CADPS: variants seen among roughly 807,000 people sequenced by gnomAD.
CADPS encodes calcium dependent secretion activator.
Under a neutral mutation model 167.3 loss-of-function variants are expected in CADPS, and 57 were observed. That is an observed-to-expected ratio of 0.34 (90% CI 0.28 to 0.42). The LOEUF (loss-of-function observed/expected upper bound fraction) is 0.42. Ranked by LOEUF, CADPS falls within the 20% of genes least tolerant of loss-of-function variation. The pLI, the probability that CADPS is intolerant of heterozygous loss-of-function variation, is 1.00. For synonymous variants in CADPS, 676 were observed against 635.3 expected, an observed-to-expected ratio of 1.06 and a Z score of -0.96; for missense variants, 1,414 against 1,738.1, an observed-to-expected ratio of 0.81 and a Z score of 3.32.
At chr3:62,853,594 C>T (rs1041774913) in intron 1 of CADPS, among the ~76,000 whole-genome samples, 4 of 147,480 alleles carry the variant, frequency 2.7e-5, no homozygotes, top group African/African-American at 1.0e-4. Flanking sequence ...CATTGCACTC[C>T]AGCCTGAGCA....
rs1189606782 is a variant in CADPS, at chr3:62,474,218, G to A, written c.3432C>T (p.Ala1144=). 7.1e-7 allele frequency: 1 copy of A among 1,402,044 alleles called. No homozygotes were observed. 86.9% of individuals were successfully genotyped at this position (1,402,044 alleles called of 1,614,324 possible). A position where few individuals can be genotyped will look rare whatever the true frequency, so the allele number is the denominator to read the frequency against. The change falls in exon 24 of 30, where the codon GCC becomes GCT. Residue 1144 remains alanine (A), a synonymous_variant. Transcript: ENST00000383710. ...ICTMFNVMVD[A]KAQSTKLCSM... ...TGCAAAGTTTTGTTGATTGAGCTTT[G>A]GCATCAACCATAACATTAAACATGG...
chr3:62,603,342 G>T (rs906583528), intron 6 of CADPS, among the ~76,000 whole-genome samples: 76 of 152,236 alleles, frequency 5.0e-4, no homozygotes, highest in African/African-American at 1.8e-3. Flanking sequence ...AAGAGGAAGT[G>T]AGGAAAATTC....
At chr3:62,445,724 A>AC (rs1560479727) in intron 27 of CADPS, 41 bp downstream of exon 27, 2 of 1,390,960 alleles carry the variant, frequency 1.4e-6, no homozygotes, top group South Asian at 1.4e-5. Context: ...AAAAAAAAAA[A>AC]AACAAAAAAA....
intron 6 of CADPS, among the ~76,000 whole-genome samples, chr3:62,600,190 T>C (rs1322759130): frequency 6.7e-6 from 1 of 148,862 alleles, no homozygotes; most frequent in East Asian, 2.0e-4. Flanking sequence ...CTCTCTGAAG[T>C]GCACACAGCA....
intron 28 of CADPS, among the ~76,000 whole-genome samples, chr3:62,415,331 A>G (rs982031730): frequency 6.8e-4 from 104 of 152,236 alleles, no homozygotes; most frequent in African/African-American, 2.4e-3. Flanking sequence ...GCAAACTCCC[A>G]GTTTCTTTAC....
intron 3 of CADPS, among the ~76,000 whole-genome samples, chr3:62,716,359 T>C (rs963024276): frequency 2.1e-4 from 32 of 152,168 alleles, no homozygotes; most frequent in Admixed American, 7.9e-4. Flanking sequence ...TGGCCTATGA[T>C]AATAAATCTA....
intron 26 of CADPS, among the ~76,000 whole-genome samples, chr3:62,452,433 G>A (rs774487795): frequency 6.6e-6 from 1 of 152,154 alleles, no homozygotes; most frequent in Non-Finnish European, 1.5e-5. Flanking sequence ...GACTATTTTG[G>A]ACAGCTCAGA....
At chr3:62,659,129 A>T (rs1436583596) in intron 4 of CADPS, among the ~76,000 whole-genome samples, 1 of 152,152 alleles carries the variant, frequency 6.6e-6, no homozygotes, top group Non-Finnish European at 1.5e-5. Flanking sequence ...CATATGATGG[A>T]TGACATCTAT....
intron 1 of CADPS, among the ~76,000 whole-genome samples, chr3:62,863,629 G>A (rs2153193098): frequency 6.6e-6 from 1 of 152,288 alleles, no homozygotes; most frequent in African/African-American, 2.4e-5. Context: ...AACTGAAGTA[G>A]TTAAGCATGG....
At chr3:62,855,023 C>G (rs1158049936) in intron 1 of CADPS, among the ~76,000 whole-genome samples, 1 of 151,226 alleles carries the variant, frequency 6.6e-6, no homozygotes, top group African/African-American at 2.4e-5. Context: ...CTCCTGGGTT[C>G]AAGCAATTCC....
At chr3:62,833,483 C>A (rs537494964) in intron 1 of CADPS, among the ~76,000 whole-genome samples, 2 of 151,778 alleles carry the variant, frequency 1.3e-5, no homozygotes, top group African/African-American at 2.4e-5. Flanking sequence ...AGCTGAGGCA[C>A]GGCCAGCTTA....
chr3:62,668,619 C>A (rs1318893677), intron 3 of CADPS, among the ~76,000 whole-genome samples: 1 of 152,166 alleles, frequency 6.6e-6, no homozygotes, highest in African/African-American at 2.4e-5. Context: ...CCTTTCCTTT[C>A]CCTTACTAAC....
At chr3:62,766,018 A>C in intron 1 of CADPS, 34 bp from the exon 2 acceptor site, 1 of 1,455,422 alleles carries the variant, frequency 6.9e-7, no homozygotes, top group Non-Finnish European at 9.6e-7. Context: ...AAATGTGAGA[A>C]CTTGTCCTAG....
At chr3:62,863,134 T>C (rs967015466) in intron 1 of CADPS, among the ~76,000 whole-genome samples, 2 of 152,216 alleles carry the variant, frequency 1.3e-5, no homozygotes, top group South Asian at 2.1e-4. Context: ...GGAGACTAAA[T>C]GATCTCTGCA....
At chr3:62,684,845 G>A (rs777756620) in intron 3 of CADPS, among the ~76,000 whole-genome samples, 10 of 151,908 alleles carry the variant, frequency 6.6e-5, no homozygotes, top group Non-Finnish European at 1.3e-4. Flanking sequence ...GATGCAAGAC[G>A]ACATTTACTA....
At chr3:62,594,930 CT>C (rs1237469962) in intron 6 of CADPS, among the ~76,000 whole-genome samples, 2 of 152,222 alleles carry the variant, frequency 1.3e-5, no homozygotes, top group African/African-American at 4.8e-5. Flanking sequence ...TCACTATTCA[CT>C]TTTTCTTCTG....
At chr3:62,614,115 C>G (rs564909945) in intron 6 of CADPS, among the ~76,000 whole-genome samples, 21 of 152,252 alleles carry the variant, frequency 1.4e-4, no homozygotes, top group Middle Eastern at 6.8e-3. Context: ...TCAATTCAGC[C>G]TAACAGCTCC....
At chr3:62,427,323 T>G (rs966637788) in intron 28 of CADPS, among the ~76,000 whole-genome samples, 1 of 152,196 alleles carries the variant, frequency 6.6e-6, no homozygotes, top group Non-Finnish European at 1.5e-5. Flanking sequence ...TCCCGAGATA[T>G]CTACCAGGTA....
intron 3 of CADPS, among the ~76,000 whole-genome samples, chr3:62,725,592 C>T (rs138144603): frequency 7.9e-5 from 12 of 152,012 alleles, no homozygotes; most frequent in African/African-American, 2.2e-4. Flanking sequence ...CTCATGGGGT[C>T]GTATGATGAT....
Sources: allele counts gnomAD v4.1 joint callset (sites outside exome capture counted in the v4.1 genomes callset), GRCh38; gene constraint gnomAD v4.1.1; transcripts MANE v1.5; gene names NCBI Gene and HGNC (gene_info 2026-07-23, HGNC 2026-07-21).